CFHR4: variants seen among roughly 807,000 people sequenced by gnomAD.
CFHR4 encodes complement factor H-related protein 4.
In CFHR4, 64 loss-of-function variants were observed where a neutral mutation model predicts 69.3. That is an observed-to-expected ratio of 0.92 (90% CI 0.76 to 1.14). CFHR4 has a LOEUF of 1.14. Ranked by LOEUF, CFHR4 falls within the 50% of genes most tolerant of loss-of-function variation. CFHR4 has a pLI of 0.00. For missense variants in CFHR4, 636 were observed against 684.9 expected (o/e 0.93, Z 0.80); for synonymous variants, 244 against 237.0 (o/e 1.03, Z -0.27).
rs1263324202 is a variant in CFHR4, at chr1:196,888,097, C to T, written c.-54C>T. On this transcript the variant is annotated 5_prime_UTR_variant, in exon 1 of 10. Coordinates refer to ENST00000608469, the MANE Select transcript of CFHR4 (RefSeq NM_001201550.3). ...TAACTAATAATGAAAGATTTCAAAC[C>T]CCAAACAGTGCAACTGAAACTTTTG... The T allele has an allele frequency of 5.1e-6, 8 of 1,567,670 alleles. 1 individual carries two copies. In the African/African-American group the frequency reaches 1.1e-4, roughly 22 times the overall value.
intron 9 of CFHR4, among the ~76,000 whole-genome samples, chr1:196,916,472 T>C (rs1360051925): frequency 2.6e-5 from 4 of 151,918 alleles, no homozygotes; most frequent in African/African-American, 7.3e-5. Flanking sequence ...ACCTTTCATA[T>C]TGACTGATGA....
chr1:196,902,083 T>C (rs993125667), intron 1 of CFHR4, among the ~76,000 whole-genome samples: 1 of 151,602 alleles, frequency 6.6e-6, no homozygotes, highest in Non-Finnish European at 1.5e-5. Flanking sequence ...CTCTGATTTC[T>C]GATGGGATGG....
intron 1 of CFHR4, among the ~76,000 whole-genome samples, chr1:196,888,501 A>T (rs573725240): frequency 6.6e-6 from 1 of 151,486 alleles, no homozygotes; most frequent in East Asian, 1.9e-4. Context: ...TTAAGTAGGA[A>T]ACATGTCATT....
chr1:196,898,643 G>A (rs1657434216), intron 1 of CFHR4, among the ~76,000 whole-genome samples: 1 of 151,534 alleles, frequency 6.6e-6, no homozygotes, highest in Non-Finnish European at 1.5e-5. Context: ...AACATATTTT[G>A]CTAAAAACAT....
At position 196,906,958 on chromosome 1, in the gene CFHR4, A is replaced by T. The variant is rs1458541018; in HGVS notation, c.537A>T (p.Gly179=). 1 of 1,612,612 alleles carries T rather than the reference A, an allele frequency of 6.2e-7. No individual in the cohort carries two copies. Among genetic ancestry groups the T allele is most frequent in the African/African-American group, 1.3e-5 (1 of 74,470 alleles). ...CATTGGACTATGAATGCTATGATGG[A>T]TATGAAAGCAGTTATGGAAACACCA... ...HDTLDYECYD[G]YESSYGNTTD... The change falls in exon 4 of 10, where the codon GGA becomes GGT. Residue 179 remains glycine, a synonymous_variant. Transcript: ENST00000608469.
At chr1:196,897,635 T>A (rs1338781325) in intron 1 of CFHR4, among the ~76,000 whole-genome samples, 1 of 151,200 alleles carries the variant, frequency 6.6e-6, no homozygotes, top group African/African-American at 2.4e-5. Context: ...AGCGGCCAGA[T>A]TTTTCTCCGA....
intron 2 of CFHR4, among the ~76,000 whole-genome samples, chr1:196,904,438 G>A (rs1223853190): frequency 1.3e-5 from 2 of 151,344 alleles, no homozygotes; most frequent in African/African-American, 4.9e-5. Flanking sequence ...TTATTAATAA[G>A]TTAGAACATA....
At chr1:196,916,099 C>A (rs1658607933) in intron 9 of CFHR4, among the ~76,000 whole-genome samples, 2 of 151,336 alleles carry the variant, frequency 1.3e-5, no homozygotes, top group South Asian at 4.2e-4. Flanking sequence ...TCCCTTATAC[C>A]ATAATCAAAA....
intron 1 of CFHR4, among the ~76,000 whole-genome samples, chr1:196,898,188 A>G (rs1048177376): frequency 4.6e-5 from 7 of 151,574 alleles, no homozygotes; most frequent in African/African-American, 1.5e-4. Flanking sequence ...CTGAAAAGAC[A>G]AAACACAGAA....
In CFHR4 at chr1:196,900,769, G is replaced by A. The variant is rs114228655; in HGVS notation, c.59-1649G>A. On this transcript the variant is annotated intron_variant, in intron 1 of 9. Transcript: ENST00000608469. ...TAATACAAATATCCAAACAGTGGTC[G>A]GGGGGAAACAACAGAATGTAACATA... is the stretch of plus-strand genomic sequence containing the variant. Among the ~76,000 whole-genome samples the A allele has an allele frequency of 6.9e-3, 1,041 of 151,288 alleles. 42 individuals are homozygous for A. Among genetic ancestry groups the A allele is most frequent in the African/African-American group, 0.024 (988 of 41,036 alleles).
At chr1:196,908,446 A>G (rs532097403) in intron 5 of CFHR4, among the ~76,000 whole-genome samples, 1 of 151,538 alleles carries the variant, frequency 6.6e-6, no homozygotes, top group African/African-American at 2.4e-5. Flanking sequence ...TCTAGCAAGA[A>G]AGAAAGAAAT....
chr1:196,901,423 G>A (rs964341722), intron 1 of CFHR4, among the ~76,000 whole-genome samples: 6 of 151,178 alleles, frequency 4.0e-5, no homozygotes, highest in African/African-American at 7.3e-5. Flanking sequence ...TGAAAATCTC[G>A]CTAATGAAAA....
At chr1:196,901,720 A>C (rs1224362439) in intron 1 of CFHR4, among the ~76,000 whole-genome samples, 1 of 151,464 alleles carries the variant, frequency 6.6e-6, no homozygotes, top group Non-Finnish European at 1.5e-5. Flanking sequence ...TTCAATATAC[A>C]CAAATTCCTC....
chr1:196,909,807 C>T (rs1658138116), intron 5 of CFHR4, among the ~76,000 whole-genome samples: 1 of 151,044 alleles, frequency 6.6e-6, no homozygotes, highest in African/African-American at 2.4e-5. Flanking sequence ...TCACATCCTA[C>T]ACATGTATCC....
chr1:196,905,337 T>C (rs1282022536), intron 3 of CFHR4, 47 bp downstream of exon 3: 2 of 1,604,588 alleles, frequency 1.2e-6, no homozygotes, highest in Non-Finnish European at 8.5e-7. Flanking sequence ...ACTTCTTTCC[T>C]CTCTTTGAGG....
At chr1:196,907,241 T>A in intron 4 of CFHR4, 75 bp from the exon 5 acceptor site, 1 of 1,313,392 alleles carries the variant, frequency 7.6e-7, no homozygotes, top group East Asian at 2.4e-5. Flanking sequence ...CATTTAAGAG[T>A]ATATAAAAAG....
At position 196,902,528 on chromosome 1, in the gene CFHR4, G is replaced by A; in HGVS notation, c.169G>A (p.Asp57Asn). The change falls in exon 2 of 10, where the codon GAT becomes AAT. Residue 57 changes from aspartate to asparagine, a missense_variant. By Grantham distance (23) the Asp-to-Asn change is conservative. Around this residue, in one of 3 missense-constraint regions of CFHR4, gnomAD observed 529 missense variants for 533.2 expected, o/e 0.99. Coordinates refer to ENST00000608469, the MANE Select transcript of CFHR4 (RefSeq NM_001201550.3). The part of the protein sequence containing the change: ...AAGQSYSYYC[D>N]QNFVTPSGSY... ...AGGACAATCTTATTCCTATTACTGT[G>A]ATCAAAATTTTGTGACTCCTTCAGG... 1 of 1,611,812 alleles carries A rather than the reference G, an allele frequency of 6.2e-7. No homozygotes were observed. The highest frequency in any genetic ancestry group is 8.5e-7 in the Non-Finnish European group (1 of 1,178,912).
Position 196,905,189 on chromosome 1 carries a change from C to T in CFHR4, c.338C>T (p.Thr113Ile), listed in dbSNP as rs1224896461. ...SSSIYILNEETQYNCKPGYAT... is the reference protein window; with the variant it reads ...SSSIYILNEEIQYNCKPGYAT... ...TCTATTTATATTTTAAATGAAGAAACACAATATAATTGTAAACCAGGATAT... is the reference window on the plus strand; with the variant it reads ...TCTATTTATATTTTAAATGAAGAAATACAATATAATTGTAAACCAGGATAT... The change falls in exon 3 of 10, where the codon ACA (threonine) becomes ATA (isoleucine). Residue 113 changes from threonine (T) to isoleucine (I), a missense_variant. Transcript: ENST00000608469. 3 of 1,609,496 alleles carry T rather than the reference C, an allele frequency of 1.9e-6. No homozygotes were observed. The highest frequency in any genetic ancestry group is 2.7e-5 in the African/African-American group (2 of 74,168).
chr1:196,905,283 T>A lies in CFHR4; in HGVS notation c.432T>A (p.Ile144=), dbSNP rs1456396471. The A allele has an allele frequency of 6.2e-7, 1 of 1,611,012 alleles. No individual in the cohort carries two copies. The highest frequency in any genetic ancestry group is 8.5e-7 in the Non-Finnish European group (1 of 1,178,616). Residue 144 remains isoleucine, a synonymous_variant, in exon 3 of 10, where the codon ATT becomes ATA. Transcript: ENST00000608469. The stretch of plus-strand genomic sequence containing the variant: ...AAAATGGATGGTCAACACAACCAAT[T>A]TGCATTAGTAAGTTATTTACATATT... The part of the protein sequence containing the change: ...CLQNGWSTQP[I]CIKFCDMPVF...
Sources: gnomAD v4.1 joint callset for allele counts (sites outside exome capture counted in the v4.1 genomes callset) on GRCh38, gnomAD v4.1.1 for gene constraint, gnomAD v4.1.1 regional missense constraint, MANE v1.5 for transcripts, NCBI Gene and HGNC (gene_info 2026-07-23, HGNC 2026-07-21) for gene names.